Variants in CCDC178 observed in about 807,000 individuals in gnomAD.
CCDC178 encodes the protein coiled-coil domain-containing protein 178.
A neutral mutation model predicts 117.4 loss-of-function variants in CCDC178; 126 were observed. That is an observed-to-expected ratio of 1.07 (90% CI 0.93 to 1.24). CCDC178 has a LOEUF of 1.24. CCDC178 is among the 50% of genes most tolerant of loss of function. The probability of loss-of-function intolerance (pLI) is 0.00; values close to 1 mark genes in which losing one functional copy is unlikely to be tolerated. For synonymous variants in CCDC178, 283 were observed against 313.4 expected, an observed-to-expected ratio of 0.90 and a Z score of 1.02; for missense variants, 1,030 against 986.9, an observed-to-expected ratio of 1.04 and a Z score of -0.59.
At chr18:33,237,841 C>A (rs1466874015) in intron 15 of CCDC178, among the ~76,000 whole-genome samples, 1 of 152,096 alleles carries the variant, frequency 6.6e-6, no homozygotes, top group Non-Finnish European at 1.5e-5. Flanking sequence ...GGCAGTTGAG[C>A]AACTGCATGC....
intron 11 of CCDC178, among the ~76,000 whole-genome samples, chr18:33,305,173 T>A (rs1180757647): frequency 6.6e-6 from 1 of 152,178 alleles, no homozygotes; most frequent in African/African-American, 2.4e-5. Flanking sequence ...TTTGGGAAGC[T>A]TTTTTACATG....
At chr18:33,009,531 G>C (rs1388328828) in intron 21 of CCDC178, among the ~76,000 whole-genome samples, 2 of 151,956 alleles carry the variant, frequency 1.3e-5, no homozygotes, top group Non-Finnish European at 2.9e-5. Context: ...CACATTGCTA[G>C]TTCCTCAATT....
At chr18:33,066,884 A>G (rs1299964591) in intron 21 of CCDC178, among the ~76,000 whole-genome samples, 1 of 152,214 alleles carries the variant, frequency 6.6e-6, no homozygotes, top group East Asian at 1.9e-4. Context: ...AGAGAGAGAT[A>G]GACTCTAATA....
rs561712160 is a variant in CCDC178 at position 33,042,119 on chromosome 18, C to T, written c.2388+50642G>A. Among the ~76,000 whole-genome samples, 20 of 151,982 alleles carry T rather than the reference C, an allele frequency of 1.3e-4. 2 individuals carry two copies. In the East Asian group the frequency reaches 3.7e-3, roughly 28 times the overall value. On this transcript the variant is annotated intron_variant, in intron 21 of 22. Coordinates refer to ENST00000383096, the MANE Select transcript of CCDC178 (RefSeq NM_001105528.4). ...AATTAGTTGAAAGGATGACAGGGAA[C>T]AAGACATTCACATGACACCAACTAC...
chr18:33,336,029 T>C (rs2062735880), intron 9 of CCDC178, among the ~76,000 whole-genome samples: 1 of 152,292 alleles, frequency 6.6e-6, no homozygotes, highest in Middle Eastern at 3.4e-3. Flanking sequence ...GTACAGAACA[T>C]TTAAATGACA....
intron 5 of CCDC178, among the ~76,000 whole-genome samples, chr18:33,386,595 T>C (rs1361607479): frequency 1.3e-5 from 2 of 152,130 alleles, no homozygotes; most frequent in African/African-American, 2.4e-5. Context: ...ATTTATCACA[T>C]AAACAGAACT....
At chr18:32,946,152 G>T (rs1368102834) in intron 22 of CCDC178, among the ~76,000 whole-genome samples, 3 of 152,058 alleles carry the variant, frequency 2.0e-5, no homozygotes, top group African/African-American at 4.8e-5. Context: ...TTCTAGGGAG[G>T]CTCTGTGCTC....
intron 22 of CCDC178, among the ~76,000 whole-genome samples, chr18:32,962,089 G>A (rs185512920): frequency 6.4e-4 from 97 of 151,058 alleles, no homozygotes; most frequent in African/African-American, 2.3e-3. Context: ...ATTTTTAAAA[G>A]AGAGTAACAA....
At position 33,407,321 on chromosome 18, in the gene CCDC178, C is replaced by T. The variant is rs1466550285; in HGVS notation, c.58+4710G>A. On this transcript the variant is annotated intron_variant, in intron 3 of 22. Coordinates refer to ENST00000383096, the MANE Select transcript of CCDC178 (RefSeq NM_001105528.4). ...AAGGGAAACTTACAGCTTGACATAA[C>T]TATATTAAAAAAGAAAAAAGCCTGA... Among the ~76,000 whole-genome samples the T allele has an allele frequency of 1.3e-5, 2 of 151,886 alleles. 1 individual carries two copies. Among genetic ancestry groups the T allele is most frequent in the East Asian group, 3.9e-4 (2 of 5,176 alleles).
At chr18:33,142,124 T>C (rs1190543284) in intron 20 of CCDC178, among the ~76,000 whole-genome samples, 1 of 152,206 alleles carries the variant, frequency 6.6e-6, no homozygotes, top group Non-Finnish European at 1.5e-5. Context: ...CAAAAGTGGA[T>C]GAAAAACAGT....
At chr18:33,382,698 C>T (rs1172274797) in intron 5 of CCDC178, among the ~76,000 whole-genome samples, 1 of 152,140 alleles carries the variant, frequency 6.6e-6, no homozygotes, top group Non-Finnish European at 1.5e-5. Flanking sequence ...GAGATTCCCC[C>T]GTGAGCCTAC....
At chr18:33,161,530 C>A (rs2058463013) in intron 20 of CCDC178, among the ~76,000 whole-genome samples, 1 of 152,148 alleles carries the variant, frequency 6.6e-6, no homozygotes, top group South Asian at 2.1e-4. Context: ...TGGATTCCCA[C>A]CAGGCTTGTT....
At chr18:33,027,795 T>C (rs2056258658) in intron 21 of CCDC178, among the ~76,000 whole-genome samples, 1 of 151,650 alleles carries the variant, frequency 6.6e-6, no homozygotes, top group African/African-American at 2.4e-5. Context: ...TTTTGTTCTC[T>C]GATCTCAGTG....
chr18:33,289,146 C>T (rs1211898004), intron 12 of CCDC178, among the ~76,000 whole-genome samples: 1 of 152,030 alleles, frequency 6.6e-6, no homozygotes, highest in African/African-American at 2.4e-5. Context: ...TTTCTGGATC[C>T]TTCTCTCTTG....
intron 21 of CCDC178, among the ~76,000 whole-genome samples, chr18:32,988,118 T>TAAA (rs869116530): frequency 1.5e-5 from 2 of 132,860 alleles, no homozygotes; most frequent in African/African-American, 5.8e-5. Flanking sequence ...ATAATAATAA[T>TAAA]AAATTTATCA....
chr18:33,268,447 T>A (rs1245007299), intron 12 of CCDC178, among the ~76,000 whole-genome samples: 1 of 151,842 alleles, frequency 6.6e-6, no homozygotes, highest in Non-Finnish European at 1.5e-5. Context: ...ATACCTCACA[T>A]CTAACTCATA....
chr18:33,422,384 A>T (rs1240136801), intron 2 of CCDC178, among the ~76,000 whole-genome samples: 1 of 152,304 alleles, frequency 6.6e-6, no homozygotes, highest in South Asian at 2.1e-4. Context: ...ATGACACATT[A>T]ACATTACATT....
Position 33,012,605 on chromosome 18 carries a change from T to A in CCDC178, c.2389-37924A>T, listed in dbSNP as rs138038982. Among the ~76,000 whole-genome samples the A allele has an allele frequency of 8.5e-3, 1,298 of 152,282 alleles. 17 individuals carry two copies. Among genetic ancestry groups the A allele is most frequent in the African/African-American group, 0.03 (1,234 of 41,550 alleles). On this transcript the variant is annotated intron_variant, in intron 21 of 22. Transcript: ENST00000383096. Reference sequence around the variant, plus strand: ...ATTTTACAGCGCTCCCCTAAAATATTTTTCTTAACATTAATATAAAACCAG... The same window carrying A: ...ATTTTACAGCGCTCCCCTAAAATATATTTCTTAACATTAATATAAAACCAG...
At chr18:33,080,409 C>T (rs1033356367) in intron 21 of CCDC178, among the ~76,000 whole-genome samples, 2 of 151,942 alleles carry the variant, frequency 1.3e-5, no homozygotes, top group Non-Finnish European at 2.9e-5. Context: ...TAACCCTGAA[C>T]CTAAAATAAA....
Sources: gnomAD v4.1 joint callset for allele counts (sites outside exome capture counted in the v4.1 genomes callset) on GRCh38, gnomAD v4.1.1 for gene constraint, MANE v1.5 for transcripts, NCBI Gene and HGNC (gene_info 2026-07-23, HGNC 2026-07-21) for gene names.